Variants in TXNRD1 observed in about 807,000 individuals in gnomAD.
The protein encoded by TXNRD1 is thioredoxin reductase 1, also known as thioredoxin reductase 1, cytoplasmic.
In TXNRD1, 57 loss-of-function variants were observed where a neutral mutation model predicts 80.3. The observed-to-expected ratio is 0.71, with a 90% CI of 0.57 to 0.89. The LOEUF (loss-of-function observed/expected upper bound fraction) is 0.89, where lower values mean the gene tolerates loss of function less well. Among genes scored for constraint, TXNRD1 ranks in the 40% least tolerant of loss-of-function variants. The probability of loss-of-function intolerance (pLI) is 0.00; values close to 1 mark genes in which losing one functional copy is unlikely to be tolerated. For missense variants in TXNRD1, 730 were observed against 803.0 expected (o/e 0.91, Z 1.10); for synonymous variants, 291 against 285.2 (o/e 1.02, Z -0.20).
chr12:104,306,973 T>C (rs2034941978), intron 4 of TXNRD1, among the ~76,000 whole-genome samples: 1 of 152,222 alleles, frequency 6.6e-6, no homozygotes, highest in African/African-American at 2.4e-5. Flanking sequence ...AGTGATGATT[T>C]AAAAGCATTA....
intron 14 of TXNRD1, among the ~76,000 whole-genome samples, chr12:104,333,035 G>A (rs1183442640): frequency 6.6e-6 from 1 of 151,742 alleles, no homozygotes; most frequent in East Asian, 1.9e-4. Context: ...GTTATGTCAT[G>A]AACATTTCCT....
rs535291999 is a variant in TXNRD1, at chr12:104,309,992, G to A, written c.415-1298G>A. The A allele has an allele frequency of 4.6e-5, 71 of 1,536,108 alleles. 1 individual carries two copies. The African/African-American group carries it at 5.1e-4, about 11-fold the overall frequency. On this transcript the variant is annotated intron_variant, in intron 4 of 16. Transcript: ENST00000525566. ...GCTTCCTCCTTCACATTGCTCCACC[G>A]CACCCCCTTCCACATCCCAAGAACC...
chr12:104,261,406 A>G (rs1156902436), intron 3 of TXNRD1, among the ~76,000 whole-genome samples: 1 of 152,162 alleles, frequency 6.6e-6, no homozygotes, highest in African/African-American at 2.4e-5. Flanking sequence ...CAGGTGATCC[A>G]TCCACCTCGG....
intron 1 of TXNRD1, among the ~76,000 whole-genome samples, chr12:104,246,525 G>A (rs2032999035): frequency 1.6e-5 from 1 of 63,202 alleles, no homozygotes; most frequent in Non-Finnish European, 2.8e-5. Context: ...GCTTTGTGAT[G>A]GTTTTTTTTT....
At chr12:104,260,596 A>G (rs2033347093) in intron 3 of TXNRD1, among the ~76,000 whole-genome samples, 1 of 152,220 alleles carries the variant, frequency 6.6e-6, no homozygotes, top group South Asian at 2.1e-4. Context: ...TTTCCATAAT[A>G]CCATGTTGTC....
rs1412230541 is a variant in TXNRD1 at position 104,339,163 on chromosome 12, C to T, written c.1771C>T (p.Leu591=). ...DNERVVGFHV[L]GPNAGEVTQG... is the part of the protein sequence containing the mutation. ...GGAACGTGTTGTGGGCTTTCACGTA[C>T]TGGGTCCAAATGCTGGAGAAGTTAC... Residue 591 remains leucine, a synonymous_variant, in exon 16 of 17, where the codon CTG becomes TTG. Coordinates refer to ENST00000525566, the MANE Select transcript of TXNRD1 (RefSeq NM_001093771.3). 6.2e-7 allele frequency: 1 copy of T among 1,613,830 alleles called. No homozygotes were observed. Among genetic ancestry groups the T allele is most frequent in the Non-Finnish European group, 8.5e-7 (1 of 1,179,878 alleles).
chr12:104,301,924 C>T (rs532880125), intron 4 of TXNRD1, among the ~76,000 whole-genome samples: 1 of 152,282 alleles, frequency 6.6e-6, no homozygotes, highest in South Asian at 2.1e-4. Context: ...AGGATTAATT[C>T]CACGAATCTG....
intron 3 of TXNRD1, among the ~76,000 whole-genome samples, chr12:104,274,592 G>C (rs566039178): frequency 6.6e-6 from 1 of 151,800 alleles, no homozygotes; most frequent in East Asian, 1.9e-4. Context: ...CCAGCTACTC[G>C]GTAGGCTGAG....
At chr12:104,330,690 G>A (rs975787559) in intron 13 of TXNRD1, among the ~76,000 whole-genome samples, 22 of 152,006 alleles carry the variant, frequency 1.4e-4, no homozygotes, top group Non-Finnish European at 2.2e-4. Context: ...GGGTTCAAGC[G>A]ATTCTCCTGC....
intron 1 of TXNRD1, among the ~76,000 whole-genome samples, chr12:104,227,381 C>G (rs1312636225): frequency 6.6e-6 from 1 of 152,110 alleles, no homozygotes; most frequent in East Asian, 1.9e-4. Context: ...CCTGCTTGAG[C>G]CTCCTGAGTA....
At chr12:104,304,121 A>G (rs1179703663) in intron 4 of TXNRD1, 2 of 1,614,058 alleles carry the variant, frequency 1.2e-6, no homozygotes, top group East Asian at 4.5e-5. Flanking sequence ...GAGCTCGGCG[A>G]ACAACTCCTT....
rs565821723 is a variant in TXNRD1, at chr12:104,304,282, G to A, written c.415-7008G>A. On this transcript the variant is annotated intron_variant, in intron 4 of 16. Coordinates refer to ENST00000525566, the MANE Select transcript of TXNRD1 (RefSeq NM_001093771.3). ...ACTCAGATATGAACTTCTTTAATCA[G>A]TTAGCATTTTGTGACTTTCTGTTTC... 9 of 1,614,078 alleles carry A rather than the reference G, an allele frequency of 5.6e-6. No individual in the cohort carries two copies. The Admixed American group carries it at 6.7e-5, about 12-fold the overall frequency.
At chr12:104,309,958 C>T in intron 4 of TXNRD1, 2 of 1,535,370 alleles carry the variant, frequency 1.3e-6, no homozygotes, top group African/African-American at 2.7e-5. Context: ...CAGGTAGCCA[C>T]AGTGCTGTGC....
intron 4 of TXNRD1, chr12:104,303,855 A>G (rs900218356): frequency 7.6e-6 from 11 of 1,450,716 alleles, no homozygotes; most frequent in South Asian, 1.4e-5. Flanking sequence ...AAGGGAGACG[A>G]AGAGAAAGGA....
chr12:104,237,646 T>A (rs1045983277), intron 1 of TXNRD1, among the ~76,000 whole-genome samples: 4 of 152,194 alleles, frequency 2.6e-5, no homozygotes, highest in Non-Finnish European at 5.9e-5. Context: ...AAGTGCTGAA[T>A]ATTCTGTCTG....
chr12:104,217,249 C>T (rs1304993660), intron 1 of TXNRD1, among the ~76,000 whole-genome samples: 1 of 150,726 alleles, frequency 6.6e-6, no homozygotes, highest in Non-Finnish European at 1.5e-5. Context: ...CATTTATTTA[C>T]TGTTTTTCTT....
At chr12:104,292,563 T>A (rs1454672376) in intron 4 of TXNRD1, among the ~76,000 whole-genome samples, 5 of 152,068 alleles carry the variant, frequency 3.3e-5, no homozygotes, top group Non-Finnish European at 7.4e-5. Context: ...CTGGCTAATT[T>A]TGTATTTTTT....
chr12:104,342,420 G>T (rs999722704), intron 16 of TXNRD1, among the ~76,000 whole-genome samples: 1 of 152,194 alleles, frequency 6.6e-6, no homozygotes, highest in Non-Finnish European at 1.5e-5. Flanking sequence ...AGGAACCAGG[G>T]ACAGGATGGA....
intron 14 of TXNRD1, among the ~76,000 whole-genome samples, chr12:104,331,980 T>C (rs1191586614): frequency 6.6e-6 from 1 of 152,188 alleles, no homozygotes; most frequent in Non-Finnish European, 1.5e-5. Flanking sequence ...GTAATATTTT[T>C]ATCTGATTTA....
Sources: allele counts gnomAD v4.1 joint callset (sites outside exome capture counted in the v4.1 genomes callset), GRCh38; gene constraint gnomAD v4.1.1; transcripts MANE v1.5; gene names NCBI Gene and HGNC (gene_info 2026-07-23, HGNC 2026-07-21).